CHD9: variants seen among roughly 807,000 people sequenced by gnomAD.
CHD9 encodes ATP-dependent chromatin remodeler CHD9.
CHD9 carries 77 observed loss-of-function variants against 316.1 expected under a neutral mutation model. That is an observed-to-expected ratio of 0.24 (90% CI 0.20 to 0.29). CHD9 has a LOEUF of 0.29. Among genes scored for constraint, CHD9 ranks in the 10% least tolerant of loss-of-function variants. The pLI, the probability that CHD9 is intolerant of heterozygous loss-of-function variation, is 1.00. For synonymous variants in CHD9, 1,129 were observed against 1,158.3 expected (o/e 0.97, Z 0.51); for missense variants, 2,763 against 3,438.1 (o/e 0.80, Z 4.91).
intron 1 of CHD9, among the ~76,000 whole-genome samples, chr16:53,140,099 A>G (rs1234151018): frequency 6.6e-6 from 1 of 152,116 alleles, no homozygotes; most frequent in Non-Finnish European, 1.5e-5. Context: ...CTATCTTAAA[A>G]AAAAAAAAAT....
rs539707138 is a variant in CHD9 at position 53,167,444 on chromosome 16, A to G, written c.1452+9903A>G. 2.0e-5 allele frequency among the ~76,000 whole-genome samples: 3 copies of G among 152,228 alleles called. 1 individual carries two copies. The highest frequency in any genetic ancestry group is 2.0e-4 in the Admixed American group (3 of 15,296). On this transcript the variant is annotated intron_variant, in intron 2 of 38. Transcript: ENST00000447540. ...AATTGTCCTACTTTCCTATTGTTCT[A>G]TATTATAATTTCAGAGATGTTCTCT...
In CHD9 at chr16:53,324,611, C is replaced by T. The variant is rs2057469881; in HGVS notation, c.8410C>T (p.Pro2804Ser). ...ACTATTACTATCTAATATACTTTAT[C>T]CAGGGATGCTTCTCACTCCAGGCCT... ...NPLLLSNILYPGMLLTPGLNL... is the reference protein window; with the variant it reads ...NPLLLSNILYSGMLLTPGLNL... Residue 2804 changes from proline (P) to serine (S), a missense_variant, in exon 39 of 39, where the codon CCA (proline) becomes TCA (serine). Physicochemically the swap from Pro to Ser is moderately conservative, Grantham distance 74. Coordinates refer to ENST00000447540, the MANE Select transcript of CHD9 (RefSeq NM_001308319.2). The T allele has an allele frequency of 6.2e-6, 10 of 1,613,716 alleles. No homozygotes were observed. The highest frequency in any genetic ancestry group is 8.5e-6 in the Non-Finnish European group (10 of 1,179,816).
At chr16:53,218,118 T>C (rs1402322993) in intron 3 of CHD9, among the ~76,000 whole-genome samples, 1 of 152,092 alleles carries the variant, frequency 6.6e-6, no homozygotes, top group East Asian at 1.9e-4. Context: ...CGTGTAACAT[T>C]TTGGATTTAG....
intron 38 of CHD9, among the ~76,000 whole-genome samples, chr16:53,323,799 CTT>C (rs1158364204): frequency 6.6e-6 from 1 of 152,058 alleles, no homozygotes; most frequent in Non-Finnish European, 1.5e-5. Context: ...CTAAAGACCT[CTT>C]TACTCACTTA....
chr16:53,223,861 T>A (rs1352065321), intron 4 of CHD9, among the ~76,000 whole-genome samples: 1 of 151,956 alleles, frequency 6.6e-6, no homozygotes, highest in Non-Finnish European at 1.5e-5. Context: ...GATGGAAAGA[T>A]CCATGTAGCT....
chr16:53,278,161 A>G (rs113894622), intron 24 of CHD9, among the ~76,000 whole-genome samples: 4,937 of 152,314 alleles, frequency 0.032, 100 homozygotes, highest in Middle Eastern at 0.071. Flanking sequence ...TAGAATCAAT[A>G]TTGTGAAAAT....
Position 53,156,518 on chromosome 16 carries a change from A to C in CHD9, c.429A>C (p.Gln143His), listed in dbSNP as rs2041531362. The change falls in exon 2 of 39, where the codon CAA becomes CAC. Residue 143 changes from glutamine to histidine, a missense_variant. Gln to His is a conservative substitution (Grantham distance 24). Around this residue, in one of 15 missense-constraint regions of CHD9, gnomAD observed 859 missense variants for 890.4 expected, o/e 0.96. Coordinates refer to ENST00000447540, the MANE Select transcript of CHD9 (RefSeq NM_001308319.2). ...ISNQNGSPFHQQGHSHSMHQN... is the reference protein window; with the variant it reads ...ISNQNGSPFHHQGHSHSMHQN... ...ATCAAAATGGATCTCCTTTTCACCA[A>C]CAAGGACATTCACACTCTATGCATC... The C allele has an allele frequency of 6.2e-7, 1 of 1,613,814 alleles. No homozygotes were observed. The highest frequency in any genetic ancestry group is 1.3e-5 in the African/African-American group (1 of 74,912).
chr16:53,090,612 A>G (rs1388551949), intron 1 of CHD9, among the ~76,000 whole-genome samples: 1 of 152,174 alleles, frequency 6.6e-6, no homozygotes, highest in Non-Finnish European at 1.5e-5. Flanking sequence ...GTCCAGGTTC[A>G]TGGCAGGTGG....
At chr16:53,150,445 C>T (rs151151862) in intron 1 of CHD9, among the ~76,000 whole-genome samples, 328 of 152,234 alleles carry the variant, frequency 2.2e-3, no homozygotes, top group African/African-American at 7.5e-3. Flanking sequence ...ACATTGTGTG[C>T]TTGTTAACAG....
At position 53,254,529 on chromosome 16, in the gene CHD9, A is replaced by G. The variant is rs746324728; in HGVS notation, c.3953A>G (p.Asp1318Gly). The change falls in exon 18 of 39, where the codon GAC becomes GGC. Residue 1318 changes from aspartate (D) to glycine (G), a missense_variant. Asp to Gly is a moderately conservative substitution (Grantham distance 94, BLOSUM62 -1). Transcript: ENST00000447540. The stretch of plus-strand genomic sequence containing the variant: ...AACTCATATGAGAGAGAGATGTTTG[A>G]CCGAGCCAGTTTGAAACTGGGCCTA... ...TRNSYEREMF[D>G]RASLKLGLDK... 11 of 1,612,968 alleles carry G rather than the reference A, an allele frequency of 6.8e-6. No individual in the cohort carries two copies. The highest frequency in any genetic ancestry group is 9.3e-6 in the Non-Finnish European group (11 of 1,179,408).
intron 2 of CHD9, among the ~76,000 whole-genome samples, chr16:53,162,264 G>A (rs1331831957): frequency 6.6e-6 from 1 of 152,068 alleles, no homozygotes; most frequent in African/African-American, 2.4e-5. Flanking sequence ...TTGTTGGGAG[G>A]AGGAAGAAAA....
chr16:53,280,248 A>G (rs1384655791), intron 24 of CHD9, among the ~76,000 whole-genome samples: 4 of 152,248 alleles, frequency 2.6e-5, no homozygotes, highest in Non-Finnish European at 4.4e-5. Context: ...ACAGTTTGCA[A>G]TTGCAAAAAA....
chr16:53,155,995 A>T lies in CHD9; in HGVS notation c.-95A>T. The T allele has an allele frequency of 2.5e-6, 3 of 1,180,596 alleles. No individual in the cohort carries two copies. Among genetic ancestry groups the T allele is most frequent in the South Asian group, 1.6e-5 (1 of 62,536 alleles). The allele number at this position is 1,180,596 out of a possible 1,614,324, so 73.1% of individuals were successfully genotyped here. ...ATATTGACCTGTTTTGGATTAGTTG[A>T]TGACCTTCGGAAATGATCCAATAAT... On this transcript the variant is annotated 5_prime_UTR_variant, in exon 2 of 39. An upstream start codon of the reference 5' UTR is lost. Coordinates refer to ENST00000447540, the MANE Select transcript of CHD9 (RefSeq NM_001308319.2).
At chr16:53,238,679 T>C in intron 12 of CHD9, 93 bp downstream of exon 12, 5 of 1,231,612 alleles carry the variant, frequency 4.1e-6, no homozygotes, top group Non-Finnish European at 5.8e-6. Flanking sequence ...TAGGATACAT[T>C]TTAATTGCCT....
At chr16:53,267,829 G>T in intron 21 of CHD9, 98 bp from the exon 22 acceptor site, 1 of 1,058,340 alleles carries the variant, frequency 9.4e-7, no homozygotes, top group South Asian at 1.6e-5. Flanking sequence ...TAGCAAAAAT[G>T]ACAATTTTTT....
intron 1 of CHD9, among the ~76,000 whole-genome samples, chr16:53,150,843 A>G (rs988490510): frequency 6.6e-6 from 1 of 152,174 alleles, no homozygotes; most frequent in Non-Finnish European, 1.5e-5. Flanking sequence ...ATCCACTTGT[A>G]TCTTGTTGAG....
chr16:53,141,141 G>C (rs897536808), intron 1 of CHD9, among the ~76,000 whole-genome samples: 3 of 152,172 alleles, frequency 2.0e-5, no homozygotes, highest in Admixed American at 6.5e-5. Flanking sequence ...TTTGAAAACA[G>C]AGTGTTTACA....
intron 2 of CHD9, among the ~76,000 whole-genome samples, chr16:53,203,963 G>A (rs1156848737): frequency 7.1e-6 from 1 of 140,580 alleles, no homozygotes; most frequent in Non-Finnish European, 1.5e-5. Context: ...GGCGGAGCTT[G>A]CAGTGAGCCG....
In CHD9 at chr16:53,245,279, C is replaced by T; in HGVS notation, c.3055-57C>T. On this transcript the variant is annotated intron_variant, in intron 13 of 38. Coordinates refer to ENST00000447540, the MANE Select transcript of CHD9 (RefSeq NM_001308319.2). This position sits in a 1 kb window ranked among gnomAD's most constrained non-coding sequence, Gnocchi z 4.1. ...TTGATCATTCGATAATCTAAGTCAG[C>T]TTTCATATAATTTTAGTACTGTGAT... 2 of 1,322,692 alleles carry T rather than the reference C, an allele frequency of 1.5e-6. No individual in the cohort carries two copies. The highest frequency in any genetic ancestry group is 3.4e-5 in the Admixed American group (1 of 29,580). 81.9% of individuals were successfully genotyped at this position (1,322,692 alleles called of 1,614,324 possible).
Sources: gnomAD v4.1 joint callset for allele counts (sites outside exome capture counted in the v4.1 genomes callset) on GRCh38, gnomAD v4.1.1 for gene constraint, gnomAD v4.1.1 regional missense constraint, Gnocchi (gnomAD v3.1) non-coding constraint, MANE v1.5 for transcripts, NCBI Gene and HGNC (gene_info 2026-07-23, HGNC 2026-07-21) for gene names.